Variants in CTTNBP2 observed in about 807,000 individuals in gnomAD.
The protein encoded by CTTNBP2 is cortactin binding protein 2, also known as cortactin-binding protein 2.
A neutral mutation model predicts 156.9 loss-of-function variants in CTTNBP2; 108 were observed. The ratio of observed to expected loss-of-function variants is 0.69; its 90% CI spans 0.59 to 0.81. The LOEUF (loss-of-function observed/expected upper bound fraction) is 0.81. Among genes scored for constraint, CTTNBP2 ranks in the 30% least tolerant of loss-of-function variants. The pLI, the probability that CTTNBP2 is intolerant of heterozygous loss-of-function variation, is 0.00. For missense variants in CTTNBP2, 1,924 were observed against 2,035.4 expected, an observed-to-expected ratio of 0.95 and a Z score of 1.05; for synonymous variants, 767 against 751.8, an observed-to-expected ratio of 1.02 and a Z score of -0.33.
chr7:117,845,776 G>A (rs1802544712), intron 2 of CTTNBP2, among the ~76,000 whole-genome samples: 2 of 152,330 alleles, frequency 1.3e-5, no homozygotes, highest in African/African-American at 2.4e-5. Flanking sequence ...TCAAGATGGT[G>A]TAACGAATGT....
At chr7:117,743,069 T>A (rs1011666749) in intron 14 of CTTNBP2, among the ~76,000 whole-genome samples, 4 of 152,224 alleles carry the variant, frequency 2.6e-5, no homozygotes, top group African/African-American at 4.8e-5. Flanking sequence ...TCAAGAGACA[T>A]GGGCCACTCT....
At chr7:117,735,146 T>A in intron 15 of CTTNBP2, 46 bp from the exon 16 acceptor site, 1 of 1,595,982 alleles carries the variant, frequency 6.3e-7, no homozygotes, top group African/African-American at 1.4e-5. Context: ...TGAGTTATGT[T>A]ATGGGACAGA....
chr7:117,713,260 A>G (rs1794160102), intron 22 of CTTNBP2, among the ~76,000 whole-genome samples: 2 of 152,274 alleles, frequency 1.3e-5, no homozygotes, highest in East Asian at 3.9e-4. Context: ...TAAGTCACAC[A>G]TTGATAATCT....
chr7:117,811,941 A>C (rs1800321456), intron 2 of CTTNBP2, among the ~76,000 whole-genome samples: 1 of 149,948 alleles, frequency 6.7e-6, no homozygotes, highest in Non-Finnish European at 1.5e-5. Flanking sequence ...AATTAAAAAA[A>C]TTAAAATTTT....
chr7:117,722,152 A>T (rs1441675931), intron 19 of CTTNBP2, among the ~76,000 whole-genome samples: 2 of 152,164 alleles, frequency 1.3e-5, no homozygotes, highest in Non-Finnish European at 2.9e-5. Context: ...CTGGGATCTG[A>T]CATCATTGGC....
chr7:117,791,745 G>T lies in CTTNBP2; in HGVS notation c.1451C>A (p.Ala484Asp). The T allele has an allele frequency of 6.2e-7, 1 of 1,614,182 alleles. No individual in the cohort carries two copies. The highest frequency in any genetic ancestry group is 8.5e-7 in the Non-Finnish European group (1 of 1,180,034). The change falls in exon 4 of 23, where the codon GCC (alanine) becomes GAC (aspartate). Residue 484 changes from alanine (A) to aspartate (D), a missense_variant. Coordinates refer to ENST00000160373, the MANE Select transcript of CTTNBP2 (RefSeq NM_033427.3). The stretch of plus-strand genomic sequence containing the variant: ...CACAGTATTCCGAGCTAGTTGTTTG[G>T]CCACTAGGTTGTCACGACTTGTAGG... ...VSPTSRDNLVAKQLARNTVTQ... is the reference protein window; with the variant it reads ...VSPTSRDNLVDKQLARNTVTQ...
At chr7:117,862,521 G>A (rs1445701458) in intron 1 of CTTNBP2, among the ~76,000 whole-genome samples, 1 of 152,094 alleles carries the variant, frequency 6.6e-6, no homozygotes, top group Non-Finnish European at 1.5e-5. Context: ...TCTGGCATTC[G>A]TTTTAGAGAT....
rs1202879777 is a variant in CTTNBP2 at position 117,792,295 on chromosome 7, C to T, written c.901G>A (p.Val301Met). Reference protein sequence around the residue: ...VSISVGTEGTVTRSVACQTDL... With the variant: ...VSISVGTEGTMTRSVACQTDL... ...GTCTGGCATGCAACAGACCTTGTCA[C>T]AGTTCCTTCTGTTCCCACAGATATG... Residue 301 changes from valine to methionine, a missense_variant, in exon 4 of 23, where the codon GTG (valine) becomes ATG (methionine). Val to Met is a conservative substitution (Grantham distance 21, BLOSUM62 1). Coordinates refer to ENST00000160373, the MANE Select transcript of CTTNBP2 (RefSeq NM_033427.3). This position sits in a 1 kb window ranked among gnomAD's most constrained non-coding sequence, Gnocchi z 4.2. The T allele has an allele frequency of 6.2e-7, 1 of 1,614,242 alleles. No homozygotes were observed. The highest frequency in any genetic ancestry group is 8.5e-7 in the Non-Finnish European group (1 of 1,180,046).
chr7:117,831,147 T>C (rs1273159419), intron 2 of CTTNBP2, among the ~76,000 whole-genome samples: 1 of 152,188 alleles, frequency 6.6e-6, no homozygotes, highest in Non-Finnish European at 1.5e-5. Context: ...AACAACTCTG[T>C]CGTTATCCAG....
rs1285451143 is a variant in CTTNBP2, at chr7:117,792,450, T to G, written c.746A>C (p.Glu249Ala). 7 of 1,614,064 alleles carry G rather than the reference T, an allele frequency of 4.3e-6. No individual in the cohort carries two copies. The highest frequency in any genetic ancestry group is 5.9e-6 in the Non-Finnish European group (7 of 1,180,048). The change falls in exon 4 of 23, where the codon GAA becomes GCA. Residue 249 changes from glutamate to alanine, a missense_variant. Glu to Ala is a moderately radical substitution (Grantham distance 107). Coordinates refer to ENST00000160373, the MANE Select transcript of CTTNBP2 (RefSeq NM_033427.3). The surrounding 1 kb of genome is among the most constrained non-coding windows in gnomAD (Gnocchi z 4.2). The part of the protein sequence containing the change: ...EQLRAKLNRE[E>A]AHTTDLKEEI... Reference sequence around the variant, plus strand: ...CTCTTTGAGGTCAGTGGTGTGTGCTTCTTCCCGGTTCAGCTTGGCACGAAG... The same window carrying G: ...CTCTTTGAGGTCAGTGGTGTGTGCTGCTTCCCGGTTCAGCTTGGCACGAAG...
intron 3 of CTTNBP2, among the ~76,000 whole-genome samples, chr7:117,805,518 T>C (rs992261656): frequency 6.6e-5 from 10 of 152,208 alleles, no homozygotes; most frequent in African/African-American, 2.4e-4. Context: ...GCCTCTACAG[T>C]ATGTAATAAC....
chr7:117,779,080 A>C (rs1798262112), intron 7 of CTTNBP2, among the ~76,000 whole-genome samples: 1 of 152,172 alleles, frequency 6.6e-6, no homozygotes, highest in African/African-American at 2.4e-5. Context: ...TGGCTAAGAC[A>C]AGACAATGGT....
chr7:117,753,261 G>A (rs1796713147), intron 12 of CTTNBP2, among the ~76,000 whole-genome samples: 1 of 152,154 alleles, frequency 6.6e-6, no homozygotes, highest in Admixed American at 6.6e-5. Flanking sequence ...AACAGATGCT[G>A]GCAAGGTTGT....
chr7:117,839,254 T>C lies in CTTNBP2; in HGVS notation c.189+21955A>G, dbSNP rs34981062. 3.5e-3 allele frequency among the ~76,000 whole-genome samples: 527 copies of C among 152,302 alleles called. 4 individuals are homozygous for C. The highest frequency in any genetic ancestry group is 0.012 in the African/African-American group (501 of 41,570). ...ACCTACAACTATCTGAGTTTATATA[T>C]GTAGTCTCATTGAATCCTGACAATC... is the stretch of plus-strand genomic sequence containing the variant. On this transcript the variant is annotated intron_variant, in intron 2 of 22. Coordinates refer to ENST00000160373, the MANE Select transcript of CTTNBP2 (RefSeq NM_033427.3).
At chr7:117,826,771 T>A (rs1801305146) in intron 2 of CTTNBP2, among the ~76,000 whole-genome samples, 1 of 150,926 alleles carries the variant, frequency 6.6e-6, no homozygotes, top group African/African-American at 2.4e-5. Flanking sequence ...ACTTAGAACA[T>A]CTATAAGAAA....
rs746800405 is a variant in CTTNBP2 at position 117,756,600 on chromosome 7, A to G, written c.3303T>C (p.Tyr1101=). Residue 1101 remains tyrosine, a synonymous_variant, in exon 12 of 23, where the codon TAT becomes TAC. Coordinates refer to ENST00000160373, the MANE Select transcript of CTTNBP2 (RefSeq NM_033427.3). Reference sequence around the variant, plus strand: ...TCATCTGGAGAGGGATCATGGAGGCATAAGTCACACTACTGAGACAGCCTT... The same window carrying G: ...TCATCTGGAGAGGGATCATGGAGGCGTAAGTCACACTACTGAGACAGCCTT... ...PQEGCLSSVT[Y]ASMIPLQMMQ... The G allele has an allele frequency of 1.2e-6, 2 of 1,613,858 alleles. No homozygotes were observed. Among genetic ancestry groups the G allele is most frequent in the Non-Finnish European group, 1.7e-6 (2 of 1,179,726 alleles).
Position 117,711,321 on chromosome 7 carries a change from C to T in CTTNBP2, c.*216G>A. ...CTACTTGAAAAGTTGGCATAACTTC[C>T]TGGTATTGAAGTTCAATCCTACAGA... On this transcript the variant is annotated 3_prime_UTR_variant, in exon 23 of 23. Coordinates refer to ENST00000160373, the MANE Select transcript of CTTNBP2 (RefSeq NM_033427.3). 4.2e-6 allele frequency: 2 copies of T among 476,648 alleles called. No individual in the cohort carries two copies. Among genetic ancestry groups the T allele is most frequent in the South Asian group, 3.2e-5 (1 of 31,738 alleles). The allele number at this position is 476,648 out of a possible 1,614,324, so 29.5% of individuals were successfully genotyped here. A position where few individuals can be genotyped will look rare whatever the true frequency, so the allele number is the denominator to read the frequency against.
At chr7:117,726,072 T>C (rs1795079924) in intron 17 of CTTNBP2, among the ~76,000 whole-genome samples, 1 of 152,096 alleles carries the variant, frequency 6.6e-6, no homozygotes, top group Admixed American at 6.5e-5. Flanking sequence ...ATAGGGAGGA[T>C]GGGGGTCAAT....
At chr7:117,742,688 C>A (rs539103577) in intron 14 of CTTNBP2, among the ~76,000 whole-genome samples, 1 of 152,138 alleles carries the variant, frequency 6.6e-6, no homozygotes, top group Non-Finnish European at 1.5e-5. Flanking sequence ...CAGGATGTGA[C>A]GATGGACTGT....
Sources: allele counts gnomAD v4.1 joint callset (sites outside exome capture counted in the v4.1 genomes callset), GRCh38; gene constraint gnomAD v4.1.1; non-coding constraint Gnocchi (gnomAD v3.1); transcripts MANE v1.5; gene names NCBI Gene and HGNC (gene_info 2026-07-23, HGNC 2026-07-21).